Variants in COX10 observed in about 807,000 individuals in gnomAD.
COX10 encodes protoheme IX farnesyltransferase, mitochondrial.
COX10 carries 27 observed loss-of-function variants against 37.3 expected under a neutral mutation model. That is an observed-to-expected ratio of 0.72 (90% CI 0.53 to 1.00). The LOEUF is 1.00. Ranked by LOEUF, COX10 falls within the 50% of genes least tolerant of loss-of-function variation. The pLI, the probability that COX10 is intolerant of heterozygous loss-of-function variation, is 0.00. For synonymous variants in COX10, 222 were observed against 229.1 expected (o/e 0.97, Z 0.28); for missense variants, 475 against 563.2 (o/e 0.84, Z 1.59).
intron 4 of COX10, among the ~76,000 whole-genome samples, chr17:14,133,210 A>C (rs1347288288): frequency 6.6e-6 from 1 of 151,728 alleles, no homozygotes; most frequent in Non-Finnish European, 1.5e-5. Context: ...TTTAATAATC[A>C]AAAGTATTGA....
chr17:14,174,908 A>T (rs932886544), intron 5 of COX10, among the ~76,000 whole-genome samples: 1 of 150,302 alleles, frequency 6.7e-6, no homozygotes, highest in African/African-American at 2.5e-5. Flanking sequence ...ACTACTCAGA[A>T]ATTAAAAGGA....
At chr17:14,132,991 A>C (rs908194338) in intron 4 of COX10, among the ~76,000 whole-genome samples, 6 of 151,662 alleles carry the variant, frequency 4.0e-5, no homozygotes, top group Non-Finnish European at 7.4e-5. Flanking sequence ...TCAATTTGGA[A>C]ATTTTGTTGA....
At chr17:14,182,067 A>C in intron 5 of COX10, 2 of 982,096 alleles carry the variant, frequency 2.0e-6, no homozygotes, top group Non-Finnish European at 2.4e-6. Flanking sequence ...TCTTTCAGTC[A>C]GCTTTCAGAA....
intron 4 of COX10, among the ~76,000 whole-genome samples, chr17:14,135,023 A>G (rs982007170): frequency 1.3e-5 from 2 of 151,776 alleles, no homozygotes; most frequent in African/African-American, 4.8e-5. Context: ...AAAAGACAAC[A>G]GTATATAACG....
intron 4 of COX10, among the ~76,000 whole-genome samples, chr17:14,135,656 T>G (rs1227600832): frequency 6.6e-6 from 1 of 151,984 alleles, no homozygotes; most frequent in African/African-American, 2.4e-5. Context: ...TCTAAATGTG[T>G]ATAAAGAACA....
rs1915589544 is a variant in COX10 at position 14,094,114 on chromosome 17, AC to A, written c.500-8001del. On this transcript the variant is annotated intron_variant, in intron 3 of 6. Coordinates refer to ENST00000261643, the MANE Select transcript of COX10 (RefSeq NM_001303.4). ...TAAACCATATGATTCTCTTGATTAGACCCTGGTAGATTTTACTACCAGTAAT... is the reference window on the plus strand; with the variant it reads ...TAAACCATATGATTCTCTTGATTAGACCTGGTAGATTTTACTACCAGTAAT... Among the ~76,000 whole-genome samples, 5 of 152,098 alleles carry A rather than the reference AC, an allele frequency of 3.3e-5. No individual in the cohort carries two copies. In the South Asian group the frequency reaches 1.0e-3, roughly 32 times the overall value.
intron 4 of COX10, among the ~76,000 whole-genome samples, chr17:14,123,967 C>T (rs1310428178): frequency 1.3e-5 from 2 of 151,956 alleles, no homozygotes; most frequent in African/African-American, 4.8e-5. Flanking sequence ...ATTAGTAGTA[C>T]CCAGCTGTGA....
chr17:14,076,704 GT>G, intron 2 of COX10, 30 bp from the exon 3 acceptor site: 1 of 1,612,034 alleles, frequency 6.2e-7, no homozygotes, highest in Non-Finnish European at 8.5e-7. Context: ...TGGGGCCTTG[GT>G]TTTATAGTAA....
intron 3 of COX10, among the ~76,000 whole-genome samples, chr17:14,100,210 C>G (rs1280454729): frequency 6.6e-6 from 1 of 152,160 alleles, no homozygotes; most frequent in African/African-American, 2.4e-5. Flanking sequence ...CTCTGCACTG[C>G]CAACCAACCA....
intron 4 of COX10, among the ~76,000 whole-genome samples, chr17:14,117,792 C>T (rs1369791668): frequency 6.6e-6 from 1 of 152,172 alleles, no homozygotes; most frequent in Non-Finnish European, 1.5e-5. Context: ...GACCTTCTGC[C>T]TTATCCCAAG....
At chr17:14,169,732 A>G (rs1437182832) in intron 5 of COX10, among the ~76,000 whole-genome samples, 1 of 152,194 alleles carries the variant, frequency 6.6e-6, no homozygotes, top group Non-Finnish European at 1.5e-5. Flanking sequence ...CTTAGAGTGC[A>G]TATGTTACAT....
intron 4 of COX10, among the ~76,000 whole-genome samples, chr17:14,104,251 CT>C (rs1915844698): frequency 6.6e-6 from 1 of 152,086 alleles, no homozygotes; most frequent in Admixed American, 6.6e-5. Flanking sequence ...GAGTAGAATC[CT>C]AGTGTTATCA....
At chr17:14,077,618 T>C (rs1254869525) in intron 3 of COX10, among the ~76,000 whole-genome samples, 1 of 152,198 alleles carries the variant, frequency 6.6e-6, no homozygotes, top group Non-Finnish European at 1.5e-5. Flanking sequence ...ATTAAGTGAT[T>C]TGGTTGTCAC....
chr17:14,113,050 ACT>A (rs912494386), intron 4 of COX10, among the ~76,000 whole-genome samples: 12 of 151,938 alleles, frequency 7.9e-5, no homozygotes, highest in Non-Finnish European at 1.5e-4. Context: ...TGACCTATAG[ACT>A]CTGCATGATC....
chr17:14,173,019 C>T (rs963634757), intron 5 of COX10, among the ~76,000 whole-genome samples: 1 of 152,164 alleles, frequency 6.6e-6, no homozygotes, highest in Non-Finnish European at 1.5e-5. Context: ...ATGTCATTTG[C>T]CCACATTTCA....
intron 6 of COX10, among the ~76,000 whole-genome samples, chr17:14,199,561 A>G (rs1906466027): frequency 6.6e-6 from 1 of 152,168 alleles, no homozygotes; most frequent in Non-Finnish European, 1.5e-5. Flanking sequence ...GGCAGCACAC[A>G]ATGAGGTGAA....
chr17:14,179,504 A>G (rs1290289695), intron 5 of COX10, among the ~76,000 whole-genome samples: 12 of 152,218 alleles, frequency 7.9e-5, no homozygotes, highest in Non-Finnish European at 1.8e-4. Context: ...AAACCTAGCC[A>G]CATGTATAAA....
intron 6 of COX10, among the ~76,000 whole-genome samples, chr17:14,199,250 G>A (rs996214232): frequency 6.6e-6 from 1 of 152,150 alleles, no homozygotes; most frequent in Non-Finnish European, 1.5e-5. Context: ...CTGAATGAAC[G>A]ATAGATGACG....
chr17:14,132,890 A>G (rs1285418072), intron 4 of COX10, among the ~76,000 whole-genome samples: 1 of 151,732 alleles, frequency 6.6e-6, no homozygotes, highest in Admixed American at 6.6e-5. Context: ...ATAATCTAAT[A>G]ATGTTGAAAG....
Sources: gnomAD v4.1 joint callset for allele counts (sites outside exome capture counted in the v4.1 genomes callset) on GRCh38, gnomAD v4.1.1 for gene constraint, MANE v1.5 for transcripts, NCBI Gene and HGNC (gene_info 2026-07-23, HGNC 2026-07-21) for gene names.